CTNNA2: variants seen among roughly 807,000 people sequenced by gnomAD.
The protein encoded by CTNNA2 is catenin alpha-2.
In CTNNA2, 42 loss-of-function variants were observed where a neutral mutation model predicts 101.0. That is an observed-to-expected ratio of 0.42 (90% CI 0.32 to 0.54). CTNNA2 has a LOEUF of 0.54. Ranked by LOEUF, CTNNA2 falls within the 20% of genes least tolerant of loss-of-function variation. CTNNA2 has a pLI of 0.14. For synonymous variants in CTNNA2, 450 were observed against 456.4 expected (o/e 0.99, Z 0.18); for missense variants, 871 against 1,223.1 (o/e 0.71, Z 4.29).
At chr2:79,412,828 G>T (rs1474782628) in intron 4 of CTNNA2, among the ~76,000 whole-genome samples, 6 of 152,040 alleles carry the variant, frequency 3.9e-5, no homozygotes, top group Non-Finnish European at 1.5e-5. Context: ...GCACGGATAT[G>T]AGCCACCTGT....
At chr2:79,836,599 A>G (rs996188929) in intron 3 of CTNNA2, among the ~76,000 whole-genome samples, 2 of 152,164 alleles carry the variant, frequency 1.3e-5, no homozygotes, top group Admixed American at 6.5e-5. Flanking sequence ...GCAAGGCCAC[A>G]CTTCCTTTGA....
intron 3 of CTNNA2, among the ~76,000 whole-genome samples, chr2:79,793,254 C>A (rs534148483): frequency 3.9e-5 from 6 of 152,310 alleles, no homozygotes; most frequent in African/African-American, 7.2e-5. Flanking sequence ...CATAAGACTG[C>A]ATCAAAAACA....
At chr2:79,863,579 A>G (rs1283562371) in intron 4 of CTNNA2, among the ~76,000 whole-genome samples, 1 of 152,208 alleles carries the variant, frequency 6.6e-6, no homozygotes, top group Non-Finnish European at 1.5e-5. Context: ...TCAGTCATTT[A>G]AACAGGGAAC....
intron 2 of CTNNA2, among the ~76,000 whole-genome samples, chr2:79,679,694 C>G (rs904911414): frequency 6.6e-6 from 1 of 152,156 alleles, no homozygotes; most frequent in Non-Finnish European, 1.5e-5. Flanking sequence ...TATTTTAACT[C>G]TTTCAATGTC....
At chr2:79,665,534 CTT>C (rs892816701) in intron 2 of CTNNA2, among the ~76,000 whole-genome samples, 11 of 152,176 alleles carry the variant, frequency 7.2e-5, no homozygotes, top group Non-Finnish European at 1.3e-4. Flanking sequence ...GGGACTGTCT[CTT>C]GTTTCCCAGT....
chr2:79,839,197 A>G (rs1036179440), intron 3 of CTNNA2, among the ~76,000 whole-genome samples: 7 of 152,052 alleles, frequency 4.6e-5, no homozygotes, highest in African/African-American at 1.7e-4. Flanking sequence ...AAGGTATAAA[A>G]TTAAAGTTTG....
intron 2 of CTNNA2, among the ~76,000 whole-genome samples, chr2:79,260,935 T>G (rs1467834254): frequency 6.6e-6 from 1 of 152,104 alleles, no homozygotes; most frequent in Non-Finnish European, 1.5e-5. Flanking sequence ...CGCAATTCCT[T>G]GTAATGCCTA....
At position 80,142,383 on chromosome 2, in the gene CTNNA2, C is replaced by T. The variant is rs545995243; in HGVS notation, c.1056+232586C>T. On this transcript the variant is annotated intron_variant, in intron 7 of 18. Coordinates refer to ENST00000402739, the MANE Select transcript of CTNNA2 (RefSeq NM_001282597.3). ...TCCCTATGTCAGTGTTTGGCTTTGC[C>T]GCACTGAGTGAGCAGACCCCAGCTT... 1.6e-4 allele frequency among the ~76,000 whole-genome samples: 24 copies of T among 152,192 alleles called. 1 individual carries two copies. Among genetic ancestry groups the T allele is most frequent in the South Asian group, 6.2e-4 (3 of 4,824 alleles).
chr2:80,607,593 A>C (rs114631730), intron 16 of CTNNA2, among the ~76,000 whole-genome samples: 1,766 of 152,020 alleles, frequency 0.012, 41 homozygotes, highest in African/African-American at 0.039. Flanking sequence ...TTTTTCTTAC[A>C]GTAGTCATGA....
intron 9 of CTNNA2, among the ~76,000 whole-genome samples, chr2:80,541,085 A>T (rs1466611598): frequency 6.6e-6 from 1 of 152,180 alleles, no homozygotes; most frequent in Non-Finnish European, 1.5e-5. Context: ...AACCAAGTTG[A>T]TAGTCACCAC....
intron 9 of CTNNA2, among the ~76,000 whole-genome samples, chr2:80,481,864 C>A (rs2149500828): frequency 6.6e-6 from 1 of 152,118 alleles, no homozygotes; most frequent in South Asian, 2.1e-4. Flanking sequence ...TAAAGGACTT[C>A]ATGCCTTCCA....
rs985342531 is a variant in CTNNA2 at position 79,595,553 on chromosome 2, C to T, written c.-5-55999C>T. ...CACTATCAACCCAAATAGCCCAGGG[C>T]GAAAACCAGGTAGTTATCTTAGAGT... On this transcript the variant is annotated intron_variant, in intron 1 of 18. Transcript: ENST00000402739. Among the ~76,000 whole-genome samples, 4 of 152,118 alleles carry T rather than the reference C, an allele frequency of 2.6e-5. No homozygotes were observed. In the South Asian group the frequency reaches 6.2e-4, roughly 24 times the overall value.
chr2:80,511,650 C>T (rs914998333), intron 9 of CTNNA2, among the ~76,000 whole-genome samples: 6 of 152,006 alleles, frequency 3.9e-5, no homozygotes, highest in Non-Finnish European at 7.4e-5. Context: ...AAAGGAGATT[C>T]GAAGTCACTT....
At chr2:80,313,251 C>A in intron 7 of CTNNA2, 1 of 481,726 alleles carries the variant, frequency 2.1e-6, no homozygotes, top group Non-Finnish European at 3.0e-6. Flanking sequence ...TCTCTTCATT[C>A]AAGCTGTCTC....
rs1690255999 is a variant in CTNNA2, at chr2:80,528,700, TAAA to T, written c.1291-16279_1291-16277del. Reference sequence around the variant, plus strand: ...CCAAAAAAATAAATAAATAAATAAATAAAAATAAAAATAAATTACTCATTCCAG... The same window carrying T: ...CCAAAAAAATAAATAAATAAATAAATAATAAAAATAAATTACTCATTCCAG... On this transcript the variant is annotated intron_variant, in intron 9 of 18. Transcript: ENST00000402739. 2.6e-5 allele frequency among the ~76,000 whole-genome samples: 4 copies of T among 152,054 alleles called. No homozygotes were observed. The South Asian group carries it at 8.3e-4, about 32-fold the overall frequency.
At chr2:80,227,671 ATGCTTTCTAGCTGTCC>A (rs1163290703) in intron 7 of CTNNA2, among the ~76,000 whole-genome samples, 1 of 152,204 alleles carries the variant, frequency 6.6e-6, no homozygotes, top group Non-Finnish European at 1.5e-5. Flanking sequence ...GCAGCCTCCC[ATGCTTTCTAGCTGTCC>A]TGCTGTGGTT....
intron 4 of CTNNA2, among the ~76,000 whole-genome samples, chr2:79,431,251 G>T (rs545192495): frequency 1.3e-5 from 2 of 152,116 alleles, no homozygotes; most frequent in Non-Finnish European, 2.9e-5. Flanking sequence ...TTAGAGACCG[G>T]TAATGTTATT....
chr2:79,826,516 G>T (rs796570147), intron 3 of CTNNA2, among the ~76,000 whole-genome samples: 10 of 152,184 alleles, frequency 6.6e-5, no homozygotes, highest in South Asian at 2.1e-4. Context: ...AACCAAGTAC[G>T]CATGGCCTCC....
chr2:79,677,933 AC>A (rs1398083308), intron 2 of CTNNA2, among the ~76,000 whole-genome samples: 2 of 152,244 alleles, frequency 1.3e-5, no homozygotes, highest in Non-Finnish European at 2.9e-5. Context: ...TTTGCAACTC[AC>A]TGAGGAATAG....
Sources: gnomAD v4.1 joint callset for allele counts (sites outside exome capture counted in the v4.1 genomes callset) on GRCh38, gnomAD v4.1.1 for gene constraint, MANE v1.5 for transcripts, NCBI Gene and HGNC (gene_info 2026-07-23, HGNC 2026-07-21) for gene names.